The following APBA1 variants were observed in gnomAD, a reference collection of about 807,000 sequenced individuals.
APBA1 encodes amyloid-beta A4 precursor protein-binding family A member 1.
A neutral mutation model predicts 86.6 loss-of-function variants in APBA1; 55 were observed. The ratio of observed to expected loss-of-function variants is 0.64; its 90% CI spans 0.51 to 0.80. The LOEUF is 0.80. APBA1 is among the 30% of genes least tolerant of loss of function. APBA1 has a pLI of 0.00. For synonymous variants in APBA1, 511 were observed against 493.9 expected (o/e 1.03, Z -0.46); for missense variants, 1,090 against 1,183.0 (o/e 0.92, Z 1.15).
At chr9:69,525,872 T>C (rs994026410) in intron 1 of APBA1, among the ~76,000 whole-genome samples, 3 of 151,670 alleles carry the variant, frequency 2.0e-5, no homozygotes, top group African/African-American at 7.3e-5. Flanking sequence ...AACAGACACA[T>C]AGAGGAATGG....
At chr9:69,487,323 C>T (rs575498668) in intron 2 of APBA1, among the ~76,000 whole-genome samples, 4 of 152,184 alleles carry the variant, frequency 2.6e-5, no homozygotes, top group South Asian at 4.1e-4. Flanking sequence ...TGCCTCCCCC[C>T]AAAAATGCCT....
At chr9:69,572,020 C>T (rs1421546726) in intron 1 of APBA1, among the ~76,000 whole-genome samples, 1 of 152,196 alleles carries the variant, frequency 6.6e-6, no homozygotes, top group African/African-American at 2.4e-5. Context: ...CAGTGGATAA[C>T]GAGCTCCTGC....
At chr9:69,569,226 A>C (rs561603012) in intron 1 of APBA1, among the ~76,000 whole-genome samples, 3 of 152,184 alleles carry the variant, frequency 2.0e-5, no homozygotes, top group African/African-American at 7.2e-5. Context: ...CAACACACAC[A>C]CCCCACCCCA....
At chr9:69,493,614 C>T (rs1025611306) in intron 2 of APBA1, among the ~76,000 whole-genome samples, 2 of 152,054 alleles carry the variant, frequency 1.3e-5, no homozygotes, top group African/African-American at 4.8e-5. Context: ...ATAAGCACCA[C>T]GAAGGCAGGA....
At chr9:69,621,306 A>T (rs991775303) in intron 1 of APBA1, among the ~76,000 whole-genome samples, 1 of 152,232 alleles carries the variant, frequency 6.6e-6, no homozygotes, top group Non-Finnish European at 1.5e-5. Context: ...AATGTAGCAC[A>T]ATAATGACTT....
intron 2 of APBA1, among the ~76,000 whole-genome samples, chr9:69,487,549 C>T (rs1835631267): frequency 6.6e-6 from 1 of 152,006 alleles, no homozygotes; most frequent in Admixed American, 6.6e-5. Context: ...AGAGGCAGAA[C>T]TTTTGGGAGG....
chr9:69,640,499 C>A (rs749184421), intron 1 of APBA1, among the ~76,000 whole-genome samples: 1 of 151,746 alleles, frequency 6.6e-6, no homozygotes, highest in East Asian at 1.9e-4. Context: ...ACAGAGTCAA[C>A]ATTTTGACTC....
chr9:69,575,048 C>G (rs1306741972), intron 1 of APBA1, among the ~76,000 whole-genome samples: 1 of 152,096 alleles, frequency 6.6e-6, no homozygotes, highest in Non-Finnish European at 1.5e-5. Context: ...TCCCAAGTAG[C>G]TCAGACTACA....
chr9:69,618,548 A>T (rs1489523179), intron 1 of APBA1, among the ~76,000 whole-genome samples: 1 of 152,220 alleles, frequency 6.6e-6, no homozygotes, highest in East Asian at 1.9e-4. Flanking sequence ...CGGAGGTATG[A>T]AGTAAATCAA....
chr9:69,456,314 G>A lies in APBA1; in HGVS notation c.1721C>T (p.Ala574Val), dbSNP rs777319156. ...TTTCCCATCCTGGGATGGGTGGGAC[G>A]CTTCCACGTTCTCCTGGGAGTTGGA... ...PRSNSQENVE[A>V]SHPSQDGKRQ... The change falls in exon 8 of 13, where the codon GCG (alanine) becomes GTG (valine). Residue 574 changes from alanine to valine, a missense_variant. This residue lies in a region of APBA1 where 103 missense variants were observed against 91.9 expected (regional missense o/e 1.12). Coordinates refer to ENST00000265381, the MANE Select transcript of APBA1 (RefSeq NM_001163.4). The A allele has an allele frequency of 1.2e-5, 20 of 1,614,178 alleles. No individual in the cohort carries two copies. The highest frequency in any genetic ancestry group is 6.6e-5 in the South Asian group (6 of 91,076).
chr9:69,477,211 G>A (rs1408272209), intron 2 of APBA1, among the ~76,000 whole-genome samples: 2 of 151,594 alleles, frequency 1.3e-5, no homozygotes, highest in Admixed American at 6.6e-5. Context: ...CTGAGGTACT[G>A]GGTTCATCTC....
At chr9:69,582,272 A>G (rs951262386) in intron 1 of APBA1, among the ~76,000 whole-genome samples, 3 of 152,180 alleles carry the variant, frequency 2.0e-5, no homozygotes, top group Admixed American at 1.3e-4. Flanking sequence ...ATAAACAAAC[A>G]GTGGGAGGCT....
chr9:69,571,793 A>T (rs1837118739), intron 1 of APBA1, among the ~76,000 whole-genome samples: 1 of 152,202 alleles, frequency 6.6e-6, no homozygotes, highest in Non-Finnish European at 1.5e-5. Flanking sequence ...AATGTAGGCC[A>T]TTTCCCATTT....
intron 2 of APBA1, among the ~76,000 whole-genome samples, chr9:69,510,719 C>T (rs1401646801): frequency 6.9e-6 from 1 of 144,300 alleles, no homozygotes; most frequent in Non-Finnish European, 1.5e-5. Context: ...GGTACCAAAA[C>T]AGAGATATAG....
intron 1 of APBA1, among the ~76,000 whole-genome samples, chr9:69,616,063 T>C (rs1380684723): frequency 1.3e-5 from 2 of 152,196 alleles, no homozygotes; most frequent in African/African-American, 4.8e-5. Flanking sequence ...AATGACGTAA[T>C]TGCAGTTTCA....
At chr9:69,544,823 T>A (rs1163892354) in intron 1 of APBA1, among the ~76,000 whole-genome samples, 1 of 152,184 alleles carries the variant, frequency 6.6e-6, no homozygotes, top group Admixed American at 6.5e-5. Context: ...CAAGGAAGGA[T>A]CCCTTCAGTA....
chr9:69,614,197 A>T (rs2133984350), intron 1 of APBA1, among the ~76,000 whole-genome samples: 1 of 152,306 alleles, frequency 6.6e-6, no homozygotes, highest in Non-Finnish European at 1.5e-5. Context: ...TTTATCAGGT[A>T]TTCTAAACCT....
At chr9:69,629,758 A>G (rs570765030) in intron 1 of APBA1, among the ~76,000 whole-genome samples, 1 of 152,324 alleles carries the variant, frequency 6.6e-6, no homozygotes, top group African/African-American at 2.4e-5. Flanking sequence ...CCAGTAAATG[A>G]GACTATCAGG....
intron 2 of APBA1, among the ~76,000 whole-genome samples, chr9:69,514,607 C>CA (rs746960508): frequency 2.3e-4 from 34 of 150,426 alleles, no homozygotes; most frequent in South Asian, 8.4e-4. Flanking sequence ...CAAACCAAAA[C>CA]AAAAAAAATT....
Sources: gnomAD v4.1 joint callset for allele counts (sites outside exome capture counted in the v4.1 genomes callset) on GRCh38, gnomAD v4.1.1 for gene constraint, gnomAD v4.1.1 regional missense constraint, MANE v1.5 for transcripts, NCBI Gene and HGNC (gene_info 2026-07-23, HGNC 2026-07-21) for gene names.